USO1: variants seen among roughly 807,000 people sequenced by gnomAD.
The protein encoded by USO1 is general vesicular transport factor p115.
A neutral mutation model predicts 124.5 loss-of-function variants in USO1; 57 were observed. That is an observed-to-expected ratio of 0.46 (90% CI 0.37 to 0.57). USO1 has a LOEUF of 0.57. Ranked by LOEUF, USO1 falls within the 20% of genes least tolerant of loss-of-function variation. The pLI is 0.00. For missense variants in USO1, 900 were observed against 1,040.6 expected (o/e 0.86, Z 1.86); for synonymous variants, 369 against 362.8 (o/e 1.02, Z -0.19).
chr4:75,743,237 G>A (rs754217898), intron 1 of USO1, among the ~76,000 whole-genome samples: 14 of 151,938 alleles, frequency 9.2e-5, no homozygotes, highest in African/African-American at 2.2e-4. Context: ...CACCCGTGTC[G>A]GCCTCCCAAA....
In USO1 at chr4:75,724,723, A is replaced by G. The variant is rs572975169; in HGVS notation, c.-97A>G. ...GGTGGTGGCAGCAGTAGGAGTGTGT[A>G]GAGTGCGGGATTGGGGCCCAGGCCC... On this transcript the variant is annotated 5_prime_UTR_variant, in exon 1 of 24. Coordinates refer to ENST00000514213, the MANE Select transcript of USO1 (RefSeq NM_003715.4). 3.2e-6 allele frequency: 4 copies of G among 1,268,142 alleles called. No homozygotes were observed. In the East Asian group the frequency reaches 7.3e-5, roughly 23 times the overall value. 78.6% of individuals were successfully genotyped at this position (1,268,142 alleles called of 1,614,324 possible).
chr4:75,789,532 C>T (rs1381529647), intron 10 of USO1, among the ~76,000 whole-genome samples: 2 of 152,312 alleles, frequency 1.3e-5, no homozygotes, highest in African/African-American at 2.4e-5. Context: ...ACCTGGGCCT[C>T]CCAAAGTGCT....
chr4:75,760,222 T>TAAAATA (rs1010244212), intron 4 of USO1, among the ~76,000 whole-genome samples: 3 of 152,134 alleles, frequency 2.0e-5, no homozygotes, highest in Admixed American at 6.5e-5. Context: ...AAAAATAAAA[T>TAAAATA]AAAATAAAAA....
intron 12 of USO1, among the ~76,000 whole-genome samples, chr4:75,792,642 A>G (rs2149183032): frequency 6.6e-6 from 1 of 152,294 alleles, no homozygotes; most frequent in East Asian, 1.9e-4. Flanking sequence ...GGCTGCAGTG[A>G]ACTGAAATTG....
chr4:75,748,378 G>A (rs954164490), intron 1 of USO1, among the ~76,000 whole-genome samples: 13 of 151,472 alleles, frequency 8.6e-5, no homozygotes, highest in Admixed American at 3.3e-4. Flanking sequence ...TAGTAGGGAC[G>A]GGGTTTTGCC....
At chr4:75,738,130 G>A (rs1279737028) in intron 1 of USO1, among the ~76,000 whole-genome samples, 1 of 151,802 alleles carries the variant, frequency 6.6e-6, no homozygotes, top group Admixed American at 6.6e-5. Flanking sequence ...ATTGGGCCTG[G>A]CTAATACACT....
At chr4:75,741,601 C>CTTTTT (rs34702586) in intron 1 of USO1, among the ~76,000 whole-genome samples, 3 of 78,852 alleles carry the variant, frequency 3.8e-5, no homozygotes, top group Non-Finnish European at 6.7e-5. Context: ...ACTTTTTAAA[C>CTTTTT]TTTTTTTTTT....
At chr4:75,793,931 A>G (rs370529283) in intron 13 of USO1, 30 bp downstream of exon 13, 161 of 1,612,780 alleles carry the variant, frequency 1.0e-4, no homozygotes, top group South Asian at 4.1e-4. Flanking sequence ...AAAAAGTTCT[A>G]TACATTTTGA....
intron 1 of USO1, among the ~76,000 whole-genome samples, chr4:75,743,962 G>A (rs1721042755): frequency 6.6e-6 from 1 of 152,100 alleles, no homozygotes; most frequent in South Asian, 2.1e-4. Flanking sequence ...ATTTTTAGTA[G>A]AGATGGGGTT....
chr4:75,739,645 T>A (rs1720900471), intron 1 of USO1, among the ~76,000 whole-genome samples: 1 of 151,082 alleles, frequency 6.6e-6, no homozygotes, highest in Non-Finnish European at 1.5e-5. Context: ...CTCCCGAGTT[T>A]AAGTGATTCT....
intron 8 of USO1, among the ~76,000 whole-genome samples, chr4:75,775,315 G>T (rs1228065476): frequency 6.6e-6 from 1 of 152,162 alleles, no homozygotes; most frequent in Non-Finnish European, 1.5e-5. Flanking sequence ...GAAGTGGGTG[G>T]ATCACTTTAG....
chr4:75,740,179 T>A (rs1187951243), intron 1 of USO1, among the ~76,000 whole-genome samples: 2 of 152,150 alleles, frequency 1.3e-5, no homozygotes, highest in Non-Finnish European at 2.9e-5. Flanking sequence ...AAAAAAATTT[T>A]AAAAAGGTGT....
chr4:75,759,886 G>A (rs1238001015), intron 4 of USO1, among the ~76,000 whole-genome samples: 2 of 151,000 alleles, frequency 1.3e-5, no homozygotes, highest in African/African-American at 4.9e-5. Flanking sequence ...TCTCCAGCCT[G>A]GGCAACAGAA....
chr4:75,769,093 A>C (rs553478278), intron 4 of USO1, among the ~76,000 whole-genome samples: 1 of 152,258 alleles, frequency 6.6e-6, no homozygotes, highest in South Asian at 2.1e-4. Context: ...CCTCTGTGCA[A>C]CATGTCAACA....
intron 3 of USO1, among the ~76,000 whole-genome samples, chr4:75,756,705 C>A (rs568231245): frequency 6.6e-6 from 1 of 151,574 alleles, no homozygotes; most frequent in African/African-American, 2.4e-5. Context: ...GGGGTTTCTC[C>A]GTCTCTACTT....
chr4:75,768,937 T>G (rs1721844999), intron 4 of USO1, among the ~76,000 whole-genome samples: 1 of 152,244 alleles, frequency 6.6e-6, no homozygotes, highest in Non-Finnish European at 1.5e-5. Context: ...TCAAACTTAA[T>G]ATGTCCAAAA....
At chr4:75,785,628 C>T (rs1436358601) in intron 9 of USO1, among the ~76,000 whole-genome samples, 1 of 151,946 alleles carries the variant, frequency 6.6e-6, no homozygotes, top group Non-Finnish European at 1.5e-5. Context: ...TTACATGTTG[C>T]TATTAGATCT....
At chr4:75,786,831 C>T (rs147523246) in intron 9 of USO1, among the ~76,000 whole-genome samples, 53 of 152,266 alleles carry the variant, frequency 3.5e-4, no homozygotes, top group African/African-American at 1.3e-3. Context: ...GGCAGTTTCT[C>T]TCTGGGAGTT....
At chr4:75,809,157 TTTA>T in intron 21 of USO1, 106 bp downstream of exon 21, 3 of 120,720 alleles carry the variant, frequency 2.5e-5, no homozygotes, top group East Asian at 2.5e-3. Context: ...GCACCTTCTC[TTTA>T]GATTACTTAC....
Sources: gnomAD v4.1 joint callset for allele counts (sites outside exome capture counted in the v4.1 genomes callset) on GRCh38, gnomAD v4.1.1 for gene constraint, MANE v1.5 for transcripts, NCBI Gene and HGNC (gene_info 2026-07-23, HGNC 2026-07-21) for gene names.